Variants in ADCY1 observed in about 807,000 individuals in gnomAD.
The protein encoded by ADCY1 is adenylate cyclase 1, also known as adenylate cyclase type 1.
Under a neutral mutation model 105.4 loss-of-function variants are expected in ADCY1, and 28 were observed. The observed-to-expected ratio is 0.27, with a 90% CI of 0.20 to 0.36. The LOEUF (loss-of-function observed/expected upper bound fraction) is 0.36. ADCY1 is among the 10% of genes least tolerant of loss of function. The pLI is 1.00. For synonymous variants in ADCY1, 655 were observed against 623.8 expected (o/e 1.05, Z -0.75); for missense variants, 977 against 1,434.2 (o/e 0.68, Z 5.15).
At position 45,657,775 on chromosome 7, in the gene ADCY1, G is replaced by A. The variant is rs1794982310; in HGVS notation, c.1197G>A (p.Leu399=). The stretch of plus-strand genomic sequence containing the variant: ...TGGATCTGAACATGCGTGTGGGTCT[G>A]CACACGGGCAGGGTCCTCTGTGGTG... ...TEVDLNMRVG[L]HTGRVLCGVL... is the part of the protein sequence containing the mutation. Residue 399 remains leucine, a synonymous_variant, in exon 6 of 20, where the codon CTG becomes CTA. Transcript: ENST00000297323. 6 of 1,613,876 alleles carry A rather than the reference G, an allele frequency of 3.7e-6. No homozygotes were observed. Among genetic ancestry groups the A allele is most frequent in the Non-Finnish European group, 5.1e-6 (6 of 1,179,988 alleles).
intron 1 of ADCY1, among the ~76,000 whole-genome samples, chr7:45,579,825 C>G (rs1349707080): frequency 6.6e-6 from 1 of 152,200 alleles, no homozygotes; most frequent in Non-Finnish European, 1.5e-5. Context: ...GTGCTCCTGA[C>G]TCTGGCTTCA....
Position 45,665,750 on chromosome 7 carries a change from A to G in ADCY1, c.1605+3536A>G, listed in dbSNP as rs145008484. ...GACAGACTTTAGAAATCTTGGAGTC[A>G]TTTCTAAGTGGCTGGATGGCCTCCC... On this transcript the variant is annotated intron_variant, in intron 8 of 19. Coordinates refer to ENST00000297323, the MANE Select transcript of ADCY1 (RefSeq NM_021116.4). 4.8e-3 allele frequency among the ~76,000 whole-genome samples: 726 copies of G among 152,284 alleles called. 8 individuals carry two copies. Among genetic ancestry groups the G allele is most frequent in the African/African-American group, 0.017 (686 of 41,550 alleles).
chr7:45,697,877 C>G (rs1183177034), intron 14 of ADCY1, among the ~76,000 whole-genome samples: 1 of 152,146 alleles, frequency 6.6e-6, no homozygotes, highest in Non-Finnish European at 1.5e-5. Flanking sequence ...CAGAGCCAGC[C>G]TCTGCATTCA....
chr7:45,610,504 C>T lies in ADCY1; in HGVS notation c.908+7C>T. On this transcript the variant is annotated splice_region_variant and intron_variant, in intron 3 of 19. Transcript: ENST00000297323. ...AGAGGCACGACAATGTGAGGTAGGG[C>T]TGGTGCTGACCCGGCACAGCGGGGA... 6.2e-7 allele frequency: 1 copy of T among 1,610,650 alleles called. No individual in the cohort carries two copies. Among genetic ancestry groups the T allele is most frequent in the African/African-American group, 1.3e-5 (1 of 74,944 alleles).
At chr7:45,658,063 A>G (rs2116105519) in intron 6 of ADCY1, among the ~76,000 whole-genome samples, 178 bp downstream of exon 6, 1 of 152,190 alleles carries the variant, frequency 6.6e-6, no homozygotes, top group South Asian at 2.1e-4. Flanking sequence ...TGGGCGTCCC[A>G]CCCAGCCTGG....
intron 8 of ADCY1, among the ~76,000 whole-genome samples, chr7:45,666,405 G>A (rs142916018): frequency 4.5e-3 from 688 of 152,216 alleles, no homozygotes; most frequent in African/African-American, 0.016. Context: ...TTGTCCTTGC[G>A]ATAGTTTGCT....
chr7:45,614,912 CCA>C (rs1413390532), intron 3 of ADCY1, among the ~76,000 whole-genome samples: 1 of 152,014 alleles, frequency 6.6e-6, no homozygotes, highest in African/African-American at 2.4e-5. Context: ...AAGAAATAGA[CCA>C]CAAAACAATA....
chr7:45,696,015 A>G (rs1784873783), intron 14 of ADCY1, among the ~76,000 whole-genome samples: 1 of 152,234 alleles, frequency 6.6e-6, no homozygotes, highest in Non-Finnish European at 1.5e-5. Context: ...TCTGATGAGG[A>G]AATGGAGCCT....
intron 3 of ADCY1, among the ~76,000 whole-genome samples, chr7:45,613,402 A>C (rs2115883691): frequency 6.6e-6 from 1 of 152,324 alleles, no homozygotes; most frequent in South Asian, 2.1e-4. Flanking sequence ...ATAGAGGGGC[A>C]AAAGGAAAAA....
intron 4 of ADCY1, among the ~76,000 whole-genome samples, chr7:45,630,408 A>G (rs1244084094): frequency 1.3e-5 from 2 of 152,266 alleles, no homozygotes; most frequent in Non-Finnish European, 2.9e-5. Context: ...TTGAAACAAC[A>G]GAAACTTCTT....
At chr7:45,685,138 C>T in intron 12 of ADCY1, 70 bp downstream of exon 12, 1 of 1,410,758 alleles carries the variant, frequency 7.1e-7, no homozygotes, top group Non-Finnish European at 1.0e-6. Flanking sequence ...AGCCCAGAAG[C>T]CAGGACCCAG....
chr7:45,585,797 G>A lies in ADCY1; in HGVS notation c.640-6962G>A, dbSNP rs574458566. Among the ~76,000 whole-genome samples the A allele has an allele frequency of 3.9e-5, 6 of 152,184 alleles. No homozygotes were observed. In the South Asian group the frequency reaches 1.2e-3, roughly 32 times the overall value. On this transcript the variant is annotated intron_variant, in intron 1 of 19. Transcript: ENST00000297323. ...GCACCTTGGCTTCAGTTTGTTCAAG[G>A]GTCAGAAATGGGCAGTGCCTGAGAG...
chr7:45,679,686 C>T (rs1461020498), intron 10 of ADCY1, 23 bp from the exon 11 acceptor site: 4 of 1,613,462 alleles, frequency 2.5e-6, no homozygotes, highest in South Asian at 1.1e-5. Context: ...CTATCAGTGA[C>T]TCTCATGTTT....
At chr7:45,682,917 G>A (rs543397068) in intron 11 of ADCY1, among the ~76,000 whole-genome samples, 3 of 152,324 alleles carry the variant, frequency 2.0e-5, no homozygotes, top group South Asian at 2.1e-4. Flanking sequence ...AGAGGGGAGT[G>A]TAGCACCATC....
chr7:45,643,559 G>A (rs1383766217), intron 4 of ADCY1, among the ~76,000 whole-genome samples: 6 of 152,042 alleles, frequency 3.9e-5, no homozygotes, highest in South Asian at 2.1e-4. Flanking sequence ...CTCATCGCTC[G>A]AAATAATTCT....
In ADCY1 at chr7:45,703,660, A is replaced by G; in HGVS notation, c.2632A>G (p.Asn878Asp). The G allele has an allele frequency of 6.2e-7, 1 of 1,613,362 alleles. No individual in the cohort carries two copies. Among genetic ancestry groups the G allele is most frequent in the Non-Finnish European group, 8.5e-7 (1 of 1,179,714 alleles). The change falls in exon 16 of 20, where the codon AAT becomes GAT. Residue 878 changes from asparagine to aspartate, a missense_variant. By Grantham distance (23) the Asn-to-Asp change is conservative. Around this residue, in one of 7 missense-constraint regions of ADCY1, gnomAD observed 152 missense variants for 293.7 expected, o/e 0.52. Transcript: ENST00000297323. This position sits in a 1 kb window ranked among gnomAD's most constrained non-coding sequence, Gnocchi z 5.9. ...CATGTTTGCCTCCATCCCCAACTTC[A>G]ATGACTTCTACATCGAGCTGGACGG... ...GVMFASIPNF[N>D]DFYIELDGNN...
chr7:45,688,066 C>G (rs900117635), intron 14 of ADCY1, among the ~76,000 whole-genome samples: 1 of 152,162 alleles, frequency 6.6e-6, no homozygotes, highest in Non-Finnish European at 1.5e-5. Flanking sequence ...TGTCTTTGTT[C>G]CTGAGGCTGA....
At chr7:45,642,096 C>T (rs1794541402) in intron 4 of ADCY1, among the ~76,000 whole-genome samples, 1 of 152,032 alleles carries the variant, frequency 6.6e-6, no homozygotes, top group African/African-American at 2.4e-5. Context: ...TTACTCACAG[C>T]CTGTAGACCA....
At position 45,718,097 on chromosome 7, in the gene ADCY1, G is replaced by A. The variant is rs1785392320; in HGVS notation, c.*4102G>A. 6.6e-6 allele frequency: 1 copy of A among 152,150 alleles called. No homozygotes were observed. The highest frequency in any genetic ancestry group is 2.4e-5 in the African/African-American group (1 of 41,412). The allele number at this position is 152,150 out of a possible 1,614,324, so 9.4% of individuals were successfully genotyped here. A position where few individuals can be genotyped will look rare whatever the true frequency, so the allele number is the denominator to read the frequency against. ...GGCTGGTCAGAGCTCAGCACCCCAG[G>A]TCTGGTGAGCAGACAGAGCCGGCGT... On this transcript the variant is annotated 3_prime_UTR_variant, in exon 20 of 20. Transcript: ENST00000297323.
Sources: gnomAD v4.1 joint callset for allele counts (sites outside exome capture counted in the v4.1 genomes callset) on GRCh38, gnomAD v4.1.1 for gene constraint, gnomAD v4.1.1 regional missense constraint, Gnocchi (gnomAD v3.1) non-coding constraint, MANE v1.5 for transcripts, NCBI Gene and HGNC (gene_info 2026-07-23, HGNC 2026-07-21) for gene names.